The following RAD51C variants were observed in gnomAD, a reference collection of about 807,000 sequenced individuals.
The protein encoded by RAD51C is RAD51 paralog C, also known as DNA repair protein RAD51 homolog 3.
RAD51C carries 42 observed loss-of-function variants against 45.0 expected under a neutral mutation model. The observed-to-expected ratio is 0.93, with a 90% CI of 0.73 to 1.21. RAD51C has a LOEUF of 1.21. Ranked by LOEUF, RAD51C falls within the 50% of genes most tolerant of loss-of-function variation. RAD51C has a pLI of 0.00. For synonymous variants in RAD51C, 172 were observed against 159.8 expected (o/e 1.08, Z -0.58); for missense variants, 474 against 452.2 (o/e 1.05, Z -0.44).
intron 2 of RAD51C, among the ~76,000 whole-genome samples, chr17:58,695,959 C>T (rs1002608289): frequency 6.7e-5 from 10 of 149,246 alleles, no homozygotes; most frequent in South Asian, 2.1e-4. Flanking sequence ...CTCAGCTCCT[C>T]GGGAGGCTGA....
intron 4 of RAD51C, among the ~76,000 whole-genome samples, chr17:58,706,766 T>C (rs1373472801): frequency 2.6e-5 from 4 of 152,208 alleles, no homozygotes; most frequent in Non-Finnish European, 1.5e-5. Context: ...ACTTACTCTG[T>C]CCTCTTTACT....
chr17:58,720,931 G>A, intron 6 of RAD51C, 119 bp downstream of exon 6: 1 of 827,052 alleles, frequency 1.2e-6, no homozygotes, highest in Non-Finnish European at 2.0e-6. Flanking sequence ...TTGTTCACTG[G>A]TTAATCTTAG....
At chr17:58,722,058 C>T (rs1226413388) in intron 6 of RAD51C, among the ~76,000 whole-genome samples, 1 of 151,974 alleles carries the variant, frequency 6.6e-6, no homozygotes, top group Non-Finnish European at 1.5e-5. Context: ...CAAACTCATG[C>T]CCTCAGCACA....
intron 6 of RAD51C, among the ~76,000 whole-genome samples, chr17:58,723,440 C>A (rs1301834105): frequency 1.3e-5 from 2 of 151,738 alleles, no homozygotes; most frequent in African/African-American, 2.4e-5. Context: ...TTACTACCCC[C>A]CAGGAGCCTC....
intron 4 of RAD51C, among the ~76,000 whole-genome samples, chr17:58,709,397 T>C (rs571925048): frequency 6.6e-6 from 1 of 152,136 alleles, no homozygotes; most frequent in Non-Finnish European, 1.5e-5. Context: ...TTTTTTAAAG[T>C]TGAGAAATTA....
At chr17:58,709,017 G>A (rs993242225) in intron 4 of RAD51C, among the ~76,000 whole-genome samples, 2 of 151,196 alleles carry the variant, frequency 1.3e-5, no homozygotes, top group African/African-American at 4.9e-5. Context: ...CTTTAAATGT[G>A]CTTTTTATCA....
chr17:58,719,430 C>A (rs914442653), intron 5 of RAD51C, among the ~76,000 whole-genome samples: 2 of 151,848 alleles, frequency 1.3e-5, no homozygotes, highest in African/African-American at 4.8e-5. Flanking sequence ...TGCCTGTAAT[C>A]CCAGCATTTT....
At chr17:58,715,435 CAA>C (rs1014284491) in intron 5 of RAD51C, among the ~76,000 whole-genome samples, 3 of 117,810 alleles carry the variant, frequency 2.5e-5, no homozygotes, top group Non-Finnish European at 5.0e-5. Context: ...GCCTGGGCAA[CAA>C]GAGCGAAACT....
At chr17:58,717,599 G>A (rs2048784583) in intron 5 of RAD51C, among the ~76,000 whole-genome samples, 1 of 152,066 alleles carries the variant, frequency 6.6e-6, no homozygotes. Flanking sequence ...AACCAGGCAT[G>A]GTAGCTCACA....
Position 58,714,144 on chromosome 17 carries a change from C to G in RAD51C, c.837+4154C>G, listed in dbSNP as rs553725762. Among the ~76,000 whole-genome samples, 15 of 152,148 alleles carry G rather than the reference C, an allele frequency of 9.9e-5. No homozygotes were observed. In the East Asian group the frequency reaches 2.9e-3, roughly 30 times the overall value. On this transcript the variant is annotated intron_variant, in intron 5 of 8. Coordinates refer to ENST00000337432, the MANE Select transcript of RAD51C (RefSeq NM_058216.3). ...GGATTACAGGCGTGCACCACCACACCTGGCTAATTTTTGTATTTTTAGTAG... is the reference window on the plus strand; with the variant it reads ...GGATTACAGGCGTGCACCACCACACGTGGCTAATTTTTGTATTTTTAGTAG...
intron 1 of RAD51C, chr17:58,693,564 G>GT (rs996554381): frequency 2.0e-5 from 3 of 152,162 alleles, no homozygotes; most frequent in African/African-American, 7.2e-5. Flanking sequence ...AGCCTTAACT[G>GT]TTTAAGTCAT....
rs876658652 is a variant in RAD51C, at chr17:58,724,037, CA to C, written c.905-2del. On this transcript the variant is annotated splice_acceptor_variant, in intron 6 of 8. Coordinates refer to ENST00000337432, the MANE Select transcript of RAD51C (RefSeq NM_058216.3). LOFTEE classifies it high-confidence loss of function. ...ATACAGTTATTATGTTTTTTACTCT[CA>C]GGGGAAAGTTGGGGACATGCTGCTA... 1 of 1,611,156 alleles carries C rather than the reference CA, an allele frequency of 6.2e-7. No individual in the cohort carries two copies. The highest frequency in any genetic ancestry group is 8.5e-7 in the Non-Finnish European group (1 of 1,177,518).
rs1433497291 is a variant in RAD51C, at chr17:58,734,208, G to A, written c.1117G>A (p.Glu373Lys). 2.5e-6 allele frequency: 4 copies of A among 1,611,924 alleles called. No individual in the cohort carries two copies. The highest frequency in any genetic ancestry group is 3.4e-6 in the Non-Finnish European group (4 of 1,178,816). Residue 373 changes from glutamate to lysine, a missense_variant, in exon 9 of 9, where the codon GAG becomes AAG. Coordinates refer to ENST00000337432, the MANE Select transcript of RAD51C (RefSeq NM_058216.3). ...LSTRKRSRDP[E>K]EEL ...CACCCGGAAACGGTCACGAGACCCA[G>A]AGGAAGAATTATAACCCAGAAACAA... is the stretch of plus-strand genomic sequence containing the variant.
chr17:58,704,114 A>G (rs1210816950), intron 4 of RAD51C, among the ~76,000 whole-genome samples: 2 of 151,384 alleles, frequency 1.3e-5, no homozygotes, highest in Non-Finnish European at 1.5e-5. Flanking sequence ...ACTTGGCCCC[A>G]TCCTGTCTTT....
At chr17:58,706,300 G>C (rs2048377920) in intron 4 of RAD51C, among the ~76,000 whole-genome samples, 1 of 152,074 alleles carries the variant, frequency 6.6e-6, no homozygotes, top group Non-Finnish European at 1.5e-5. Flanking sequence ...GGTGGTGCGT[G>C]CCTGTAGTCC....
intron 5 of RAD51C, among the ~76,000 whole-genome samples, chr17:58,712,494 G>A (rs1176230001): frequency 6.6e-6 from 1 of 152,050 alleles, no homozygotes; most frequent in Non-Finnish European, 1.5e-5. Flanking sequence ...TATTTTTGCA[G>A]ACTTCATGCA....
At chr17:58,709,662 AT>A (rs1363416037) in intron 4 of RAD51C, 196 bp from the exon 5 acceptor site, 1 of 502,286 alleles carries the variant, frequency 2.0e-6, no homozygotes, top group Non-Finnish European at 3.5e-6. Context: ...TTGTTTCTTC[AT>A]TTAGCAAGTA....
At chr17:58,693,338 C>T (rs1385804978) in intron 1 of RAD51C, 1 of 165,208 alleles carries the variant, frequency 6.1e-6, no homozygotes, top group Non-Finnish European at 1.3e-5. Context: ...ACACCCAAAA[C>T]CTCATATTCC....
In RAD51C at chr17:58,692,625, G is replaced by T. The variant is rs375889604; in HGVS notation, c.-19G>T. The T allele has an allele frequency of 2.5e-6, 4 of 1,613,644 alleles. No individual in the cohort carries two copies. Among genetic ancestry groups the T allele is most frequent in the Non-Finnish European group, 8.5e-7 (1 of 1,180,024 alleles). Reference sequence around the variant, plus strand: ...GCGTGCGGAGTTTGGCTGCTCCGGGGTTAGCAGGTGAGCCTGCGATGCGCG... The same window carrying T: ...GCGTGCGGAGTTTGGCTGCTCCGGGTTTAGCAGGTGAGCCTGCGATGCGCG... On this transcript the variant is annotated 5_prime_UTR_variant, in exon 1 of 9. Coordinates refer to ENST00000337432, the MANE Select transcript of RAD51C (RefSeq NM_058216.3).
Sources: gnomAD v4.1 joint callset for allele counts (sites outside exome capture counted in the v4.1 genomes callset) on GRCh38, gnomAD v4.1.1 for gene constraint, MANE v1.5 for transcripts, NCBI Gene and HGNC (gene_info 2026-07-23, HGNC 2026-07-21) for gene names.